RAD51D: variants seen among roughly 807,000 people sequenced by gnomAD.
The protein encoded by RAD51D is DNA repair protein RAD51 homolog 4.
A neutral mutation model predicts 44.1 loss-of-function variants in RAD51D; 38 were observed. The observed-to-expected ratio is 0.86, with a 90% CI of 0.67 to 1.13. The LOEUF is 1.13. RAD51D is among the 50% of genes most tolerant of loss of function. RAD51D has a pLI of 0.00. For missense variants in RAD51D, 390 were observed against 414.0 expected (o/e 0.94, Z 0.50); for synonymous variants, 141 against 166.6 (o/e 0.85, Z 1.18).
chr17:35,119,656 C>A lies in RAD51D; in HGVS notation c.-43G>T, dbSNP rs776435937. The A allele has an allele frequency of 6.3e-7, 1 of 1,599,146 alleles. No homozygotes were observed. Among genetic ancestry groups the A allele is most frequent in the Middle Eastern group, 1.7e-4 (1 of 6,052 alleles). On this transcript the variant is annotated 5_prime_UTR_variant, in exon 1 of 10. Transcript: ENST00000345365. Reference sequence around the variant, plus strand: ...ACAGCCCCAGGGGGACTGCACGTCACGTGGGCATTCGCGGGGGGTCCTCTC... The same window carrying A: ...ACAGCCCCAGGGGGACTGCACGTCAAGTGGGCATTCGCGGGGGGTCCTCTC...
rs532412157 is a variant in RAD51D, at chr17:35,097,999, A to C, written c.*2954T>G. 1 of 152,170 alleles carries C rather than the reference A, an allele frequency of 6.6e-6. No homozygotes were observed. The highest frequency in any genetic ancestry group is 1.9e-4 in the East Asian group (1 of 5,180). 9.4% of individuals were successfully genotyped at this position (152,170 alleles called of 1,614,324 possible). ...CTGCACAGTGTGGTGTGGCCGGAACAGAGTGCAGTGGCAGCAGGCAGGCAA... is the reference window on the plus strand; with the variant it reads ...CTGCACAGTGTGGTGTGGCCGGAACCGAGTGCAGTGGCAGCAGGCAGGCAA... On this transcript the variant is annotated 3_prime_UTR_variant, in exon 10 of 10. Coordinates refer to ENST00000345365, the MANE Select transcript of RAD51D (RefSeq NM_002878.4).
Position 35,106,991 on chromosome 17 carries a change from TTCC to T in RAD51D, c.474_476del (p.Glu159del). On this transcript the variant is annotated inframe_deletion, in exon 5 of 10. Transcript: ENST00000345365. ...GAACCCAGCATCCTGCCCTTACCTG[TTCC>T]TCCTCATCCTGGGTTTTAGCCTGAA... 6.2e-7 allele frequency: 1 copy of T among 1,614,208 alleles called. No homozygotes were observed. Among genetic ancestry groups the T allele is most frequent in the Non-Finnish European group, 8.5e-7 (1 of 1,180,036 alleles).
chr17:35,105,080 C>T (rs1199849039), intron 6 of RAD51D: 2 of 152,204 alleles, frequency 1.3e-5, no homozygotes, highest in Non-Finnish European at 2.9e-5. Flanking sequence ...AATGGTCCTA[C>T]AGTAAAAAAT....
intron 8 of RAD51D, among the ~76,000 whole-genome samples, chr17:35,101,568 A>C (rs897125365): frequency 2.6e-5 from 4 of 152,152 alleles, no homozygotes; most frequent in African/African-American, 9.7e-5. Context: ...TCGATGCCTC[A>C]GGTTTGACCC....
rs1376900239 is a variant in RAD51D, at chr17:35,100,955, A to G, written c.985T>C (p.Ter329ArgextTer56). ...TGTTTCCCAAACAACAGCACAGGTC[A>G]TGTCTGATCACCCTGTAATGTGGCA... ...QSATLQGDQT[*>R] The change falls in exon 10 of 10, where the codon TGA becomes CGA. Residue 329 changes from the stop codon to arginine (R), a stop_lost. Coordinates refer to ENST00000345365, the MANE Select transcript of RAD51D (RefSeq NM_002878.4). 1 of 1,610,948 alleles carries G rather than the reference A, an allele frequency of 6.2e-7. No homozygotes were observed. The highest frequency in any genetic ancestry group is 8.5e-7 in the Non-Finnish European group (1 of 1,177,166).
intron 3 of RAD51D, 59 bp downstream of exon 3, chr17:35,118,442 G>T: frequency 7.0e-7 from 1 of 1,420,108 alleles, no homozygotes; most frequent in Non-Finnish European, 1.0e-6. Flanking sequence ...CAAAAGCAGA[G>T]CTGAGAGGAG....
In RAD51D at chr17:35,103,938, C is replaced by T. The variant is rs1054844694; in HGVS notation, c.577-394G>A. On this transcript the variant is annotated intron_variant, in intron 6 of 9. Coordinates refer to ENST00000345365, the MANE Select transcript of RAD51D (RefSeq NM_002878.4). The surrounding 1 kb of genome is among the most constrained non-coding windows in gnomAD (Gnocchi z 4.1). The stretch of plus-strand genomic sequence containing the variant: ...ACTAAACATACAAAAATTAGCTGGG[C>T]GTGGTGGTGCACACCTGTAATCCCA... Among the ~76,000 whole-genome samples, 3 of 152,028 alleles carry T rather than the reference C, an allele frequency of 2.0e-5. No homozygotes were observed. Among genetic ancestry groups the T allele is most frequent in the African/African-American group, 2.4e-5 (1 of 41,394 alleles).
intron 8 of RAD51D, among the ~76,000 whole-genome samples, chr17:35,101,733 G>C (rs2091541128): frequency 6.6e-6 from 1 of 152,194 alleles, no homozygotes; most frequent in South Asian, 2.1e-4. Flanking sequence ...AGGAAGGAAA[G>C]TCTGACACAT....
At chr17:35,109,913 T>A (rs570820836) in intron 3 of RAD51D, among the ~76,000 whole-genome samples, 1 of 152,092 alleles carries the variant, frequency 6.6e-6, no homozygotes, top group South Asian at 2.1e-4. Context: ...GTGATCAACC[T>A]GCCTTGGCCT....
chr17:35,117,616 A>C (rs1458675720), intron 3 of RAD51D, among the ~76,000 whole-genome samples: 1 of 152,084 alleles, frequency 6.6e-6, no homozygotes, highest in Admixed American at 6.6e-5. Flanking sequence ...CAGCCTCCCA[A>C]GTAGCTGGGA....
rs1485044882 is a variant in RAD51D, at chr17:35,094,036, CTAG to C, written c.*6914_*6916del. 6.6e-6 allele frequency: 1 copy of C among 152,224 alleles called. No individual in the cohort carries two copies. The highest frequency in any genetic ancestry group is 1.5e-5 in the Non-Finnish European group (1 of 68,050). The allele number at this position is 152,224 out of a possible 1,614,324, so 9.4% of individuals were successfully genotyped here. A position where few individuals can be genotyped will look rare whatever the true frequency, so the allele number is the denominator to read the frequency against. The stretch of plus-strand genomic sequence containing the variant: ...CTGCATGGCAGAACACAGCAAAAAC[CTAG>C]TAGGATATACATCTAAATCCCTTAT... On this transcript the variant is annotated 3_prime_UTR_variant, in exon 10 of 10. Transcript: ENST00000345365.
rs377252265 is a variant in RAD51D, at chr17:35,113,271, AT to A, written c.263+5229del. Reference sequence around the variant, plus strand: ...CAGCACTTTAGTAAGCATCCCATCCATTTTTTTTTTCTTTTTGAGACGGAGT... The same window carrying A: ...CAGCACTTTAGTAAGCATCCCATCCATTTTTTTTTCTTTTTGAGACGGAGT... On this transcript the variant is annotated intron_variant, in intron 3 of 9. Transcript: ENST00000345365. Among the ~76,000 whole-genome samples, 374 of 147,348 alleles carry A rather than the reference AT, an allele frequency of 2.5e-3. 1 individual carries two copies. Among genetic ancestry groups the A allele is most frequent in the African/African-American group, 8.5e-3 (342 of 40,184 alleles).
chr17:35,114,127 C>G (rs1165644255), intron 3 of RAD51D, among the ~76,000 whole-genome samples: 7 of 152,064 alleles, frequency 4.6e-5, no homozygotes, highest in African/African-American at 1.7e-4. Flanking sequence ...AAAAAATTAG[C>G]TGGGCGTGGT....
chr17:35,105,988 A>T, intron 6 of RAD51D: 1 of 411,788 alleles, frequency 2.4e-6, no homozygotes, highest in East Asian at 7.1e-5. Flanking sequence ...AGAACAAGAA[A>T]ATCAGACACA....
chr17:35,106,958 T>C (rs2091611910), intron 5 of RAD51D, 30 bp downstream of exon 5: 1 of 1,614,208 alleles, frequency 6.2e-7, no homozygotes, highest in Non-Finnish European at 8.5e-7. Context: ...TGTGTCAGAA[T>C]CTCAATGGAA....
chr17:35,109,959 G>A (rs1252988084), intron 3 of RAD51D, among the ~76,000 whole-genome samples: 5 of 120,608 alleles, frequency 4.1e-5, no homozygotes, highest in East Asian at 5.1e-4. Flanking sequence ...AAGCCACCAC[G>A]CCTGGCTTTT....
Position 35,103,297 on chromosome 17 carries a change from C to G in RAD51D, c.695G>C (p.Arg232Pro), listed in dbSNP as rs28363283. The change falls in exon 8 of 10, where the codon CGA (arginine) becomes CCA (proline). Residue 232 changes from arginine to proline, a missense_variant. By Grantham distance (103) the Arg-to-Pro change is moderately radical (BLOSUM62 -2). Coordinates refer to ENST00000345365, the MANE Select transcript of RAD51D (RefSeq NM_002878.4). This position sits in a 1 kb window ranked among gnomAD's most constrained non-coding sequence, Gnocchi z 4.1. ...GTCCCGGGCCAGGGTCTTCAGCTCT[C>G]GGGCCAGCTGCATCATCAAGGCCAA... ...EGLALMMQLARELKTLARDLG... is the reference protein window; with the variant it reads ...EGLALMMQLAPELKTLARDLG... 2.5e-6 allele frequency: 4 copies of G among 1,611,706 alleles called. No homozygotes were observed. Among genetic ancestry groups the G allele is most frequent in the South Asian group, 2.2e-5 (2 of 90,476 alleles).
In RAD51D at chr17:35,119,186, ACGTATAG is replaced by A; in HGVS notation, c.83-21_83-15del. On this transcript the variant is annotated splice_polypyrimidine_tract_variant and intron_variant, in intron 1 of 9. Transcript: ENST00000345365. ...CCAGGTCCACCACTGAAAACAAAACACGTATAGCGGATTGGCAGAGAGGACTGGGGCC... is the reference window on the plus strand; with the variant it reads ...CCAGGTCCACCACTGAAAACAAAACACGGATTGGCAGAGAGGACTGGGGCC... 1.2e-6 allele frequency: 2 copies of A among 1,610,628 alleles called. No individual in the cohort carries two copies. Among genetic ancestry groups the A allele is most frequent in the East Asian group, 4.5e-5 (2 of 44,878 alleles).
chr17:35,111,893 G>T (rs1030661966), intron 3 of RAD51D, among the ~76,000 whole-genome samples: 1 of 152,082 alleles, frequency 6.6e-6, no homozygotes, highest in Non-Finnish European at 1.5e-5. Context: ...TCTTCATTAT[G>T]TTCAGTCTCC....
Sources: allele counts gnomAD v4.1 joint callset (sites outside exome capture counted in the v4.1 genomes callset), GRCh38; gene constraint gnomAD v4.1.1; non-coding constraint Gnocchi (gnomAD v3.1); transcripts MANE v1.5; gene names NCBI Gene and HGNC (gene_info 2026-07-23, HGNC 2026-07-21).